The following ZNF610 variants were observed in gnomAD, a reference collection of about 807,000 sequenced individuals.
ZNF610 encodes the protein zinc finger protein 610.
In ZNF610, 14 loss-of-function variants were observed where a neutral mutation model predicts 14.1. The observed-to-expected ratio is 0.99, with a 90% CI of 0.65 to 1.55. ZNF610 has a LOEUF of 1.55. Among genes scored for constraint, ZNF610 ranks in the 40% most tolerant of loss-of-function variants. The probability of loss-of-function intolerance (pLI) is 0.00; values close to 1 mark genes in which losing one functional copy is unlikely to be tolerated. For missense variants in ZNF610, 530 were observed against 558.0 expected, an observed-to-expected ratio of 0.95 and a Z score of 0.51; for synonymous variants, 185 against 187.6, an observed-to-expected ratio of 0.99 and a Z score of 0.11.
Position 52,365,917 on chromosome 19 carries a change from G to A in ZNF610, c.539G>A (p.Arg180Lys). The part of the protein sequence containing the change: ...SFTTHIFNKY[R>K]NDLIDFPLLP... ...ACAACACACATTTTTAATAAATATA[G>A]AAATGATCTTATTGATTTCCCATTA... Residue 180 changes from arginine to lysine, a missense_variant, in exon 6 of 6, where the codon AGA becomes AAA. Coordinates refer to ENST00000403906, the MANE Select transcript of ZNF610 (RefSeq NM_001161425.2). 2.5e-6 allele frequency: 4 copies of A among 1,612,636 alleles called. No individual in the cohort carries two copies. Among genetic ancestry groups the A allele is most frequent in the Non-Finnish European group, 3.4e-6 (4 of 1,179,312 alleles).
At chr19:52,342,196 G>C (rs1984719075) in intron 1 of ZNF610, among the ~76,000 whole-genome samples, 1 of 152,138 alleles carries the variant, frequency 6.6e-6, no homozygotes, top group South Asian at 2.1e-4. Flanking sequence ...TCCCACGTCA[G>C]CCTCCCAAAA....
upstream of ZNF610, among the ~76,000 whole-genome samples, chr19:52,334,081 C>G (rs368050841): frequency 6.6e-6 from 1 of 152,152 alleles, no homozygotes; most frequent in East Asian, 1.9e-4. Context: ...GGTTTATAAA[C>G]TGTAAAACCC....
intron 1 of ZNF610, among the ~76,000 whole-genome samples, chr19:52,344,494 C>T (rs1280114856): frequency 6.6e-6 from 1 of 152,140 alleles, no homozygotes; most frequent in East Asian, 1.9e-4. Context: ...TGGCTCAACC[C>T]CTCTGAGTGG....
At chr19:52,347,255 T>C (rs1375207123) in intron 1 of ZNF610, 1 of 152,102 alleles carries the variant, frequency 6.6e-6, no homozygotes, top group Non-Finnish European at 1.5e-5. Flanking sequence ...CCTAGGCTAA[T>C]GTATGTGTTT....
Position 52,365,953 on chromosome 19 carries a change from A to T in ZNF610, c.575A>T (p.Glu192Val). ...DLIDFPLLPQ[E>V]EKAYIRGKSY... ...ATTGATTTCCCATTACTCCCACAAG[A>T]AGAGAAAGCATACATTAGAGGAAAA... The change falls in exon 6 of 6, where the codon GAA becomes GTA. Residue 192 changes from glutamate to valine, a missense_variant. Transcript: ENST00000403906. 2 of 1,613,926 alleles carry T rather than the reference A, an allele frequency of 1.2e-6. No individual in the cohort carries two copies. The highest frequency in any genetic ancestry group is 1.7e-6 in the Non-Finnish European group (2 of 1,179,972).
At chr19:52,339,098 A>G (rs750444145) in intron 1 of ZNF610, among the ~76,000 whole-genome samples, 6 of 152,062 alleles carry the variant, frequency 3.9e-5, no homozygotes, top group Non-Finnish European at 5.9e-5. Flanking sequence ...GTGCATGTAT[A>G]CAAACATCTT....
At chr19:52,364,443 A>G (rs2903979) in intron 5 of ZNF610, among the ~76,000 whole-genome samples, 29,516 of 152,120 alleles carry the variant, frequency 0.19, 2,981 homozygotes, top group East Asian at 0.26. Context: ...ATTCCCTTTA[A>G]CATTTCTTGT....
intron 1 of ZNF610, among the ~76,000 whole-genome samples, chr19:52,341,817 A>G (rs1398786498): frequency 6.7e-6 from 1 of 150,240 alleles, no homozygotes; most frequent in Non-Finnish European, 1.5e-5. Flanking sequence ...TTACTTATTT[A>G]TTTATTTTTG....
At chr19:52,361,601 T>G (rs1170612129) in intron 5 of ZNF610, among the ~76,000 whole-genome samples, 1 of 145,812 alleles carries the variant, frequency 6.9e-6, no homozygotes. Context: ...TTTGTCAATC[T>G]TTTTAAAATT....
At chr19:52,338,337 G>A (rs553736244) in intron 1 of ZNF610, among the ~76,000 whole-genome samples, 1 of 152,282 alleles carries the variant, frequency 6.6e-6, no homozygotes, top group Admixed American at 6.5e-5. Flanking sequence ...ATATTACAAA[G>A]GATACAGATG....
chr19:52,356,850 C>T (rs1262112608), intron 5 of ZNF610, among the ~76,000 whole-genome samples: 2 of 152,162 alleles, frequency 1.3e-5, no homozygotes, highest in South Asian at 4.1e-4. Context: ...AAACTCAAAC[C>T]GTATCTTCCT....
At chr19:52,352,319 A>G (rs1285130363) in intron 3 of ZNF610, among the ~76,000 whole-genome samples, 1 of 151,892 alleles carries the variant, frequency 6.6e-6, no homozygotes, top group Non-Finnish European at 1.5e-5. Context: ...GCTCACTGCA[A>G]CCTCTGTCTC....
At chr19:52,365,575 C>T (rs1024835812) in intron 5 of ZNF610, 123 bp from the exon 6 acceptor site, 2 of 865,888 alleles carry the variant, frequency 2.3e-6, no homozygotes, top group Admixed American at 2.4e-5. Flanking sequence ...CACAATGTGA[C>T]ATGCAAAGTA....
Position 52,349,251 on chromosome 19 carries a change from C to T in ZNF610, c.63+16C>T, listed in dbSNP as rs746635076. The T allele has an allele frequency of 5.6e-6, 9 of 1,611,150 alleles. No homozygotes were observed. Among genetic ancestry groups the T allele is most frequent in the Admixed American group, 3.3e-5 (2 of 59,766 alleles). ...TCTTCCTCAGGTAAAGTGATATTCT[C>T]GGTGGTTGGTTCTCTCTGTTTCTTT... On this transcript the variant is annotated intron_variant, in intron 3 of 5. Coordinates refer to ENST00000403906, the MANE Select transcript of ZNF610 (RefSeq NM_001161425.2).
At chr19:52,359,660 T>C (rs547904807) in intron 5 of ZNF610, among the ~76,000 whole-genome samples, 51 of 152,256 alleles carry the variant, frequency 3.3e-4, no homozygotes, top group Non-Finnish European at 5.7e-4. Flanking sequence ...GAATAAGACT[T>C]CCGTGACCGA....
In ZNF610 at chr19:52,352,525, A is replaced by G. The variant is rs139239520; in HGVS notation, c.64-1157A>G. 4.3e-4 allele frequency among the ~76,000 whole-genome samples: 66 copies of G among 152,302 alleles called. No homozygotes were observed. The East Asian group carries it at 0.013, about 29-fold the overall frequency. ...AGTGCTGTGATTACATGTGTGAGTC[A>G]CCGCACCGGGCCAAAACTTGCTTTC... On this transcript the variant is annotated intron_variant, in intron 3 of 5. Coordinates refer to ENST00000403906, the MANE Select transcript of ZNF610 (RefSeq NM_001161425.2).
chr19:52,338,899 C>T (rs1297519493), intron 1 of ZNF610, among the ~76,000 whole-genome samples: 3 of 151,118 alleles, frequency 2.0e-5, no homozygotes, highest in South Asian at 2.1e-4. Flanking sequence ...CCCAGGGGAC[C>T]GGCGCTCAGC....
chr19:52,355,989 GTGGGGCTGACAGTTTCA>G (rs1307457325), intron 5 of ZNF610, among the ~76,000 whole-genome samples: 1 of 152,148 alleles, frequency 6.6e-6, no homozygotes, highest in Admixed American at 6.5e-5. Flanking sequence ...AAGCTAGTGG[GTGGGGCTGACAGTTTCA>G]TGCTTCTAAG....
upstream of ZNF610, among the ~76,000 whole-genome samples, chr19:52,333,487 G>A (rs1483425611): frequency 6.6e-6 from 1 of 152,194 alleles, no homozygotes; most frequent in Non-Finnish European, 1.5e-5. Context: ...AATTTCATGT[G>A]TTACGTCCCA....
Sources: gnomAD v4.1 joint callset for allele counts (sites outside exome capture counted in the v4.1 genomes callset) on GRCh38, gnomAD v4.1.1 for gene constraint, MANE v1.5 for transcripts, NCBI Gene and HGNC (gene_info 2026-07-23, HGNC 2026-07-21) for gene names.